CCDC91: variants seen among roughly 807,000 people sequenced by gnomAD.
CCDC91 encodes coiled-coil domain containing 91, also known as coiled-coil domain-containing protein 91.
CCDC91 carries 48 observed loss-of-function variants against 63.2 expected under a neutral mutation model. The observed-to-expected ratio is 0.76, with a 90% CI of 0.60 to 0.97. The LOEUF is 0.97. Among genes scored for constraint, CCDC91 ranks in the 50% least tolerant of loss-of-function variants. The pLI is 0.00. For missense variants in CCDC91, 500 were observed against 494.6 expected (o/e 1.01, Z -0.10); for synonymous variants, 167 against 165.8 (o/e 1.01, Z -0.06).
chr12:28,267,841 A>AT (rs1565700193), intron 3 of CCDC91, among the ~76,000 whole-genome samples: 12,155 of 33,356 alleles, frequency 0.36, 2,729 homozygotes, highest in Non-Finnish European at 0.5. Context: ...ATAATTATAT[A>AT]TAATTATATA....
intron 1 of CCDC91, among the ~76,000 whole-genome samples, chr12:28,195,198 G>A (rs1941662693): frequency 6.6e-6 from 1 of 151,546 alleles, no homozygotes; most frequent in African/African-American, 2.4e-5. Context: ...AGTGTTGATT[G>A]GTGCATTTAC....
intron 1 of CCDC91, among the ~76,000 whole-genome samples, chr12:28,220,989 A>C (rs1259693916): frequency 1.3e-5 from 2 of 152,088 alleles, no homozygotes; most frequent in African/African-American, 4.8e-5. Flanking sequence ...CATGAAATTC[A>C]GAAAATTTTC....
intron 12 of CCDC91, among the ~76,000 whole-genome samples, chr12:28,507,948 G>A (rs546652518): frequency 2.6e-5 from 4 of 152,034 alleles, no homozygotes; most frequent in African/African-American, 7.2e-5. Context: ...TCACCTTGGG[G>A]AAAGGGGACT....
At chr12:28,240,442 A>G (rs1458608308) in intron 1 of CCDC91, among the ~76,000 whole-genome samples, 2 of 152,114 alleles carry the variant, frequency 1.3e-5, no homozygotes, top group Middle Eastern at 3.2e-3. Context: ...GGGAACACCT[A>G]TTCTTCTGTC....
At chr12:28,512,282 C>T (rs1451287887) in intron 12 of CCDC91, among the ~76,000 whole-genome samples, 1 of 151,742 alleles carries the variant, frequency 6.6e-6, no homozygotes, top group African/African-American at 2.4e-5. Context: ...TTTTTTTCCC[C>T]TTTTCCCAAG....
At chr12:28,484,341 A>C in intron 12 of CCDC91, 176 bp downstream of exon 12, 1 of 341,334 alleles carries the variant, frequency 2.9e-6, no homozygotes, top group Non-Finnish European at 5.3e-6. Context: ...GTCTATAAAC[A>C]TAAATCCCAT....
intron 11 of CCDC91, among the ~76,000 whole-genome samples, chr12:28,452,882 C>T (rs926131729): frequency 2.6e-5 from 4 of 151,594 alleles, no homozygotes; most frequent in African/African-American, 7.3e-5. Context: ...CCATTTTACC[C>T]TTTTACTTTA....
intron 11 of CCDC91, among the ~76,000 whole-genome samples, chr12:28,476,677 A>C (rs1045809007): frequency 6.6e-6 from 1 of 152,182 alleles, no homozygotes; most frequent in South Asian, 2.1e-4. Flanking sequence ...CAATGCATCC[A>C]GGAGCTTGTT....
chr12:28,438,156 A>G (rs531518252), intron 8 of CCDC91, among the ~76,000 whole-genome samples: 9 of 152,174 alleles, frequency 5.9e-5, no homozygotes, highest in East Asian at 1.9e-4. Context: ...CTCTGCTGCT[A>G]TGGTATGGAT....
chr12:28,322,173 T>A (rs1425674760), intron 6 of CCDC91, among the ~76,000 whole-genome samples: 1 of 151,918 alleles, frequency 6.6e-6, no homozygotes, highest in Non-Finnish European at 1.5e-5. Context: ...AAGATAGATG[T>A]AATTATGTTA....
chr12:28,511,727 C>T (rs527649229), intron 12 of CCDC91, among the ~76,000 whole-genome samples: 1 of 151,942 alleles, frequency 6.6e-6, no homozygotes, highest in South Asian at 2.1e-4. Context: ...TATGAAGGAG[C>T]TTCTGCACTG....
At chr12:28,312,576 A>G (rs927541150) in intron 6 of CCDC91, among the ~76,000 whole-genome samples, 3 of 152,204 alleles carry the variant, frequency 2.0e-5, no homozygotes, top group East Asian at 1.9e-4. Context: ...GTGAGTGTCA[A>G]AGGAGGCTAC....
chr12:28,498,649 T>TA (rs1952445463), intron 12 of CCDC91, among the ~76,000 whole-genome samples: 1 of 151,636 alleles, frequency 6.6e-6, no homozygotes, highest in African/African-American at 2.4e-5. Flanking sequence ...CAGTATAAAT[T>TA]AGCTATCTTC....
intron 1 of CCDC91, among the ~76,000 whole-genome samples, chr12:28,209,642 G>C (rs1943094573): frequency 6.6e-6 from 1 of 152,050 alleles, no homozygotes; most frequent in Non-Finnish European, 1.5e-5. Context: ...TGTTGACCAG[G>C]CTGGTCTTGA....
intron 6 of CCDC91, among the ~76,000 whole-genome samples, chr12:28,322,129 T>A (rs1166955062): frequency 1.3e-5 from 2 of 151,900 alleles, no homozygotes; most frequent in African/African-American, 4.8e-5. Context: ...TACTTTTAGC[T>A]ATAGATACAG....
At chr12:28,393,045 C>T (rs1048315452) in intron 8 of CCDC91, among the ~76,000 whole-genome samples, 6 of 152,158 alleles carry the variant, frequency 3.9e-5, no homozygotes, top group African/African-American at 7.2e-5. Flanking sequence ...CCTCTGCCCA[C>T]GAGTAGGGAT....
chr12:28,324,110 T>A (rs1940770019), intron 6 of CCDC91, among the ~76,000 whole-genome samples: 1 of 151,766 alleles, frequency 6.6e-6, no homozygotes, highest in Non-Finnish European at 1.5e-5. Flanking sequence ...AATACAGAGA[T>A]CTTAATAAAG....
intron 11 of CCDC91, among the ~76,000 whole-genome samples, chr12:28,476,526 T>A (rs1951103317): frequency 6.6e-6 from 1 of 152,040 alleles, no homozygotes; most frequent in Non-Finnish European, 1.5e-5. Context: ...AGGGAAGATC[T>A]AAAATTGACA....
intron 8 of CCDC91, among the ~76,000 whole-genome samples, chr12:28,396,158 G>A (rs2139397580): frequency 6.6e-6 from 1 of 152,324 alleles, no homozygotes; most frequent in East Asian, 1.9e-4. Context: ...TTCTCTCAAA[G>A]TTAAGGCATC....
Sources: gnomAD v4.1 joint callset for allele counts (sites outside exome capture counted in the v4.1 genomes callset) on GRCh38, gnomAD v4.1.1 for gene constraint, MANE v1.5 for transcripts, NCBI Gene and HGNC (gene_info 2026-07-23, HGNC 2026-07-21) for gene names.